CAMK1D: variants seen among roughly 807,000 people sequenced by gnomAD.
CAMK1D encodes calcium/calmodulin-dependent protein kinase type 1D.
In CAMK1D, 9 loss-of-function variants were observed where a neutral mutation model predicts 47.7. The ratio of observed to expected loss-of-function variants is 0.19; its 90% CI spans 0.11 to 0.33. The LOEUF is 0.33. Ranked by LOEUF, CAMK1D falls within the 10% of genes least tolerant of loss-of-function variation. CAMK1D has a pLI of 1.00. For synonymous variants in CAMK1D, 184 were observed against 184.9 expected, an observed-to-expected ratio of 0.99 and a Z score of 0.04; for missense variants, 291 against 488.7, an observed-to-expected ratio of 0.60 and a Z score of 3.81.
intron 2 of CAMK1D, among the ~76,000 whole-genome samples, chr10:12,611,738 C>T (rs557816043): frequency 5.9e-5 from 9 of 151,894 alleles, no homozygotes; most frequent in Admixed American, 6.5e-5. Flanking sequence ...ATTACAGACA[C>T]GTGCCACCAC....
At chr10:12,658,199 A>T (rs896591556) in intron 2 of CAMK1D, among the ~76,000 whole-genome samples, 1 of 152,228 alleles carries the variant, frequency 6.6e-6, no homozygotes, top group Non-Finnish European at 1.5e-5. Context: ...TGGTGCTGCA[A>T]GCTGTGAGAA....
intron 2 of CAMK1D, among the ~76,000 whole-genome samples, chr10:12,652,359 A>G (rs1248968706): frequency 1.3e-5 from 2 of 150,238 alleles, no homozygotes; most frequent in Admixed American, 6.6e-5. Flanking sequence ...AGATGGGCGG[A>G]TCACAAGGTC....
chr10:12,762,023 C>A lies in CAMK1D; in HGVS notation c.438+937C>A, dbSNP rs1401520202. On this transcript the variant is annotated intron_variant, in intron 4 of 10. Coordinates refer to ENST00000619168, the MANE Select transcript of CAMK1D (RefSeq NM_153498.4). ...TATTGGCATATATGCCCCTCCCCAGCAGGTCTATGTAGACACTGAAGGACA... is the reference window on the plus strand; with the variant it reads ...TATTGGCATATATGCCCCTCCCCAGAAGGTCTATGTAGACACTGAAGGACA... 2.0e-5 allele frequency among the ~76,000 whole-genome samples: 3 copies of A among 152,212 alleles called. No homozygotes were observed. In the East Asian group the frequency reaches 5.8e-4, roughly 29 times the overall value.
intron 1 of CAMK1D, among the ~76,000 whole-genome samples, chr10:12,350,212 C>T (rs1204168726): frequency 6.6e-6 from 1 of 152,208 alleles, no homozygotes; most frequent in Non-Finnish European, 1.5e-5. Context: ...GCCTTCTCCC[C>T]ACGCGTGACT....
intron 1 of CAMK1D, among the ~76,000 whole-genome samples, chr10:12,400,439 A>G (rs1839134889): frequency 6.6e-6 from 1 of 152,196 alleles, no homozygotes; most frequent in African/African-American, 2.4e-5. Context: ...ACTATAGCTT[A>G]TATCACCGGA....
chr10:12,451,500 G>A (rs1273084856), intron 1 of CAMK1D, among the ~76,000 whole-genome samples: 2 of 152,180 alleles, frequency 1.3e-5, no homozygotes, highest in African/African-American at 4.8e-5. Context: ...CTCCATTTGA[G>A]GATTTCCACC....
chr10:12,639,413 A>G (rs954221419), intron 2 of CAMK1D, among the ~76,000 whole-genome samples: 1 of 152,232 alleles, frequency 6.6e-6, no homozygotes, highest in Admixed American at 6.5e-5. Flanking sequence ...TGAACCCGCG[A>G]GGCGGAGGTT....
Position 12,830,279 on chromosome 10 carries a change from C to T in CAMK1D, c.*1392C>T, listed in dbSNP as rs1833395124. On this transcript the variant is annotated 3_prime_UTR_variant, in exon 11 of 11. Transcript: ENST00000619168. ...TCTCCACATTTTTACCCTCTTCTCA[C>T]ATGAATGTTTTCCAAGGGAAGGAAG... 6.6e-6 allele frequency: 1 copy of T among 152,242 alleles called. No individual in the cohort carries two copies. The highest frequency in any genetic ancestry group is 1.5e-5 in the Non-Finnish European group (1 of 68,054). 9.4% of individuals were successfully genotyped at this position (152,242 alleles called of 1,614,324 possible). A position where few individuals can be genotyped will look rare whatever the true frequency, so the allele number is the denominator to read the frequency against.
intron 1 of CAMK1D, among the ~76,000 whole-genome samples, chr10:12,460,152 T>G (rs1406557248): frequency 6.6e-6 from 1 of 152,180 alleles, no homozygotes; most frequent in Non-Finnish European, 1.5e-5. Context: ...CTCCACTGTA[T>G]GGTATATTAA....
chr10:12,429,908 T>C (rs1840383678), intron 1 of CAMK1D, among the ~76,000 whole-genome samples: 1 of 152,112 alleles, frequency 6.6e-6, no homozygotes, highest in African/African-American at 2.4e-5. Context: ...TAGCATCCTT[T>C]GGACACATGG....
At chr10:12,790,910 T>C (rs1837949983) in intron 5 of CAMK1D, among the ~76,000 whole-genome samples, 1 of 152,026 alleles carries the variant, frequency 6.6e-6, no homozygotes, top group Non-Finnish European at 1.5e-5. Flanking sequence ...GTGGGAGGTT[T>C]GCTTGAGCCC....
chr10:12,596,109 AC>A (rs1838140140), intron 2 of CAMK1D, among the ~76,000 whole-genome samples: 1 of 151,822 alleles, frequency 6.6e-6, no homozygotes, highest in Non-Finnish European at 1.5e-5. Flanking sequence ...GCCCAGGAAG[AC>A]CCAAGAAGGG....
At chr10:12,784,258 G>T (rs910646414) in intron 5 of CAMK1D, among the ~76,000 whole-genome samples, 1 of 144,900 alleles carries the variant, frequency 6.9e-6, no homozygotes, top group Non-Finnish European at 1.5e-5. Flanking sequence ...GGAGTGCAAT[G>T]GCAGTCTTGG....
At chr10:12,808,992 C>G (rs1252203012) in intron 6 of CAMK1D, among the ~76,000 whole-genome samples, 1 of 151,950 alleles carries the variant, frequency 6.6e-6, no homozygotes, top group Non-Finnish European at 1.5e-5. Flanking sequence ...TGGTGTGCAC[C>G]TGTAATCCCA....
chr10:12,546,308 C>T (rs182987818), intron 1 of CAMK1D, among the ~76,000 whole-genome samples: 3 of 151,990 alleles, frequency 2.0e-5, no homozygotes, highest in Admixed American at 6.6e-5. Context: ...GAGGAGCGGG[C>T]GGGCATTTGA....
chr10:12,450,082 T>C (rs1208457464), intron 1 of CAMK1D, among the ~76,000 whole-genome samples: 1 of 128,998 alleles, frequency 7.8e-6, no homozygotes, highest in Non-Finnish European at 1.6e-5. Flanking sequence ...CAATCTCTGT[T>C]CCTTCACCCA....
chr10:12,364,743 G>C (rs1022194335), intron 1 of CAMK1D, among the ~76,000 whole-genome samples: 14 of 152,176 alleles, frequency 9.2e-5, no homozygotes, highest in Non-Finnish European at 2.1e-4. Context: ...CTGATTTGTA[G>C]CTCTTGCTGA....
In CAMK1D at chr10:12,829,015, G is replaced by T. The variant is rs1331944600; in HGVS notation, c.*128G>T. ...CCTTCCTGCATAGGACTGGAAGACC[G>T]AAGTTTTTTTATGGCCATATTTTCT... On this transcript the variant is annotated 3_prime_UTR_variant, in exon 11 of 11. Coordinates refer to ENST00000619168, the MANE Select transcript of CAMK1D (RefSeq NM_153498.4). The T allele has an allele frequency of 1.6e-6, 1 of 644,302 alleles. No homozygotes were observed. The highest frequency in any genetic ancestry group is 2.9e-5 in the East Asian group (1 of 34,564). The allele number at this position is 644,302 out of a possible 1,614,324, so 39.9% of individuals were successfully genotyped here. A position where few individuals can be genotyped will look rare whatever the true frequency, so the allele number is the denominator to read the frequency against.
At chr10:12,480,065 C>G (rs1435625151) in intron 1 of CAMK1D, among the ~76,000 whole-genome samples, 2 of 152,198 alleles carry the variant, frequency 1.3e-5, no homozygotes, top group Non-Finnish European at 2.9e-5. Context: ...CTGTTTCCCA[C>G]ACATCTCTGG....
Sources: gnomAD v4.1 joint callset for allele counts (sites outside exome capture counted in the v4.1 genomes callset) on GRCh38, gnomAD v4.1.1 for gene constraint, MANE v1.5 for transcripts, NCBI Gene and HGNC (gene_info 2026-07-23, HGNC 2026-07-21) for gene names.